Variants in HMCN1 observed in about 807,000 individuals in gnomAD.
The protein encoded by HMCN1 is hemicentin-1.
In HMCN1, 321 loss-of-function variants were observed where a neutral mutation model predicts 625.9. The ratio of observed to expected loss-of-function variants is 0.51; its 90% CI spans 0.47 to 0.56. The LOEUF (loss-of-function observed/expected upper bound fraction) is 0.56, where lower values mean the gene tolerates loss of function less well. Among genes scored for constraint, HMCN1 ranks in the 20% least tolerant of loss-of-function variants. The pLI, the probability that HMCN1 is intolerant of heterozygous loss-of-function variation, is 0.00. For missense variants in HMCN1, 6,588 were observed against 6,887.3 expected (o/e 0.96, Z 1.54); for synonymous variants, 2,425 against 2,417.6 (o/e 1.00, Z -0.09).
intron 97 of HMCN1, among the ~76,000 whole-genome samples, chr1:186,155,851 A>G (rs1237193166): frequency 1.3e-5 from 2 of 152,186 alleles, no homozygotes; most frequent in African/African-American, 4.8e-5. Context: ...TAACTAGCAA[A>G]TTATGTTCTG....
chr1:186,164,035 A>T (rs138685907), intron 97 of HMCN1, among the ~76,000 whole-genome samples: 2 of 152,306 alleles, frequency 1.3e-5, no homozygotes, highest in African/African-American at 4.8e-5. Flanking sequence ...ATGTATCAAC[A>T]AATAACTAAG....
At chr1:185,800,048 T>C (rs1484728575) in intron 1 of HMCN1, among the ~76,000 whole-genome samples, 3 of 152,142 alleles carry the variant, frequency 2.0e-5, no homozygotes, top group Non-Finnish European at 4.4e-5. Flanking sequence ...AATGTTCTAG[T>C]GTGCAGCAGA....
chr1:186,063,449 A>AGAAGGAAGGAAGGAAGGAAG (rs71798893), intron 48 of HMCN1, among the ~76,000 whole-genome samples: 11 of 104,380 alleles, frequency 1.1e-4, no homozygotes, highest in Middle Eastern at 5.0e-3. Flanking sequence ...GGACGGAGAG[A>AGAAGGAAGGAAGGAAGGAAG]GAAGGAAGGA....
At chr1:185,975,872 C>T (rs1240184524) in intron 15 of HMCN1, among the ~76,000 whole-genome samples, 1 of 151,756 alleles carries the variant, frequency 6.6e-6, no homozygotes, top group Admixed American at 6.6e-5. Context: ...GGTTGCTGTA[C>T]ACACTTATGC....
intron 4 of HMCN1, among the ~76,000 whole-genome samples, chr1:185,872,635 T>G (rs1302288234): frequency 6.6e-6 from 1 of 152,110 alleles, no homozygotes; most frequent in Non-Finnish European, 1.5e-5. Context: ...TCTCCTGCAG[T>G]CTGAAACAGC....
At chr1:185,755,141 A>G (rs1036122288) in intron 1 of HMCN1, among the ~76,000 whole-genome samples, 4 of 152,194 alleles carry the variant, frequency 2.6e-5, no homozygotes, top group Admixed American at 6.5e-5. Flanking sequence ...TTCTTGTGCT[A>G]TCAGTTTGTG....
At chr1:185,771,267 G>A (rs373721798) in intron 1 of HMCN1, among the ~76,000 whole-genome samples, 1 of 152,154 alleles carries the variant, frequency 6.6e-6, no homozygotes, top group African/African-American at 2.4e-5. Context: ...AGGACAGGAG[G>A]GATCAGTAGC....
Position 185,904,908 on chromosome 1 carries a change from AT to A in HMCN1, c.622-4428del, listed in dbSNP as rs1178431741. On this transcript the variant is annotated intron_variant, in intron 4 of 106. Coordinates refer to ENST00000271588, the MANE Select transcript of HMCN1 (RefSeq NM_031935.3). ...ATTTACACCTAATCAACTTTCTACCATCACTGAGCTTGAAAAATCTCTATCC... is the reference window on the plus strand; with the variant it reads ...ATTTACACCTAATCAACTTTCTACCACACTGAGCTTGAAAAATCTCTATCC... Among the ~76,000 whole-genome samples, 2 of 151,734 alleles carry A rather than the reference AT, an allele frequency of 1.3e-5. 1 individual carries two copies. The highest frequency in any genetic ancestry group is 4.8e-5 in the African/African-American group (2 of 41,362).
chr1:186,150,132 G>GT (rs1233141172), intron 93 of HMCN1, among the ~76,000 whole-genome samples: 4 of 127,608 alleles, frequency 3.1e-5, no homozygotes, highest in African/African-American at 1.3e-4. Flanking sequence ...CCTTCAATTT[G>GT]TAAAAAAAAC....
At chr1:185,911,591 T>G in intron 5 of HMCN1, 83 bp from the exon 6 acceptor site, 1 of 1,004,674 alleles carries the variant, frequency 1.0e-6, no homozygotes, top group Non-Finnish European at 1.6e-6. Context: ...GATCATGCTC[T>G]TAGTTTTATG....
chr1:186,120,280 G>A (rs1661341669), intron 80 of HMCN1, 135 bp downstream of exon 80: 2 of 1,002,484 alleles, frequency 2.0e-6, no homozygotes, highest in African/African-American at 3.3e-5. Context: ...TTATCCTATT[G>A]GTTTTTCTAT....
chr1:186,161,932 G>A (rs11590818), intron 97 of HMCN1, among the ~76,000 whole-genome samples: 7,951 of 151,856 alleles, frequency 0.052, 513 homozygotes, highest in African/African-American at 0.16. Flanking sequence ...TCTTTGTGGT[G>A]TTCTCTGTAT....
chr1:186,137,118 T>G lies in HMCN1; in HGVS notation c.13582+181T>G, dbSNP rs576936540. Among the ~76,000 whole-genome samples the G allele has an allele frequency of 3.9e-5, 6 of 152,312 alleles. No homozygotes were observed. In the East Asian group the frequency reaches 5.8e-4, roughly 15 times the overall value. On this transcript the variant is annotated intron_variant, in intron 87 of 106. Transcript: ENST00000271588. ...GCCTAAACCAACACAGATTAGAGCT[T>G]TAAAATGCCAAGGTTTTAATTTAAA...
At chr1:185,781,263 C>A (rs913832363) in intron 1 of HMCN1, among the ~76,000 whole-genome samples, 2 of 151,976 alleles carry the variant, frequency 1.3e-5, no homozygotes, top group Admixed American at 6.6e-5. Flanking sequence ...GTCTTGCTAG[C>A]AGTCTATCAG....
intron 25 of HMCN1, among the ~76,000 whole-genome samples, 162 bp downstream of exon 25, chr1:185,997,686 A>G (rs946492354): frequency 2.0e-5 from 3 of 152,164 alleles, no homozygotes; most frequent in Admixed American, 1.3e-4. Flanking sequence ...AGCTCTTTGA[A>G]TAAGTATTTT....
At chr1:185,886,662 T>C (rs1421570542) in intron 4 of HMCN1, among the ~76,000 whole-genome samples, 1 of 152,080 alleles carries the variant, frequency 6.6e-6, no homozygotes, top group African/African-American at 2.4e-5. Flanking sequence ...CATAAAGATA[T>C]ATTATGGAAA....
In HMCN1 at chr1:186,145,845, C is replaced by A. The variant is rs1326550654; in HGVS notation, c.14530C>A (p.Pro4844Thr). 6.2e-7 allele frequency: 1 copy of A among 1,614,056 alleles called. No individual in the cohort carries two copies. The highest frequency in any genetic ancestry group is 1.1e-5 in the South Asian group (1 of 91,082). Residue 4844 changes from proline to threonine, a missense_variant, in exon 93 of 107, where the codon CCT becomes ACT. This residue lies in a region of HMCN1 where 1,954 missense variants were observed against 2,013.1 expected (regional missense o/e 0.97). Transcript: ENST00000271588. The part of the protein sequence containing the change: ...EKTRKRLCDH[P>T]VPVKGGRPCP... ...GACTCGGAAGCGGCTGTGCGACCAT[C>A]CTGTGCCAGTTAAAGGTGGCCGTCC...
intron 35 of HMCN1, 69 bp downstream of exon 35, chr1:186,019,764 T>A (rs1654598566): frequency 7.4e-7 from 1 of 1,359,864 alleles, no homozygotes; most frequent in Non-Finnish European, 1.0e-6. Context: ...ATCAAGTTAT[T>A]CTTTCTTAAC....
intron 11 of HMCN1, among the ~76,000 whole-genome samples, chr1:185,952,446 T>C (rs998994807): frequency 6.6e-5 from 10 of 151,006 alleles, no homozygotes; most frequent in Admixed American, 6.6e-5. Context: ...AGGGGACAGG[T>C]GGGAGGGAAA....
Sources: gnomAD v4.1 joint callset for allele counts (sites outside exome capture counted in the v4.1 genomes callset) on GRCh38, gnomAD v4.1.1 for gene constraint, gnomAD v4.1.1 regional missense constraint, MANE v1.5 for transcripts, NCBI Gene and HGNC (gene_info 2026-07-23, HGNC 2026-07-21) for gene names.